The following ANKUB1 variants were observed in gnomAD, a reference collection of about 807,000 sequenced individuals.
ANKUB1 encodes the protein ankyrin repeat and ubiquitin domain containing 1.
In ANKUB1, 42 loss-of-function variants were observed where a neutral mutation model predicts 49.3. The observed-to-expected ratio is 0.85, with a 90% CI of 0.67 to 1.10. The LOEUF (loss-of-function observed/expected upper bound fraction) is 1.10. Among genes scored for constraint, ANKUB1 ranks in the 50% least tolerant of loss-of-function variants. The pLI is 0.00. For missense variants in ANKUB1, 613 were observed against 642.0 expected (o/e 0.95, Z 0.49); for synonymous variants, 222 against 231.0 (o/e 0.96, Z 0.35).
In ANKUB1 at chr3:149,761,284, T is replaced by C. The variant is rs1576663923; in HGVS notation, c.*200A>G. 1 of 518,960 alleles carries C rather than the reference T, an allele frequency of 1.9e-6. No homozygotes were observed. The highest frequency in any genetic ancestry group is 1.9e-5 in the African/African-American group (1 of 52,236). 32.1% of individuals were successfully genotyped at this position (518,960 alleles called of 1,614,324 possible). A position where few individuals can be genotyped will look rare whatever the true frequency, so the allele number is the denominator to read the frequency against. The stretch of plus-strand genomic sequence containing the variant: ...CTTCTGAATTCTTCCTCATATTCTT[T>C]ATGCAAAAATAGCACTAAAGTTTCA... On this transcript the variant is annotated 3_prime_UTR_variant, in exon 6 of 6. Transcript: ENST00000446160.
In ANKUB1 at chr3:149,780,299, T is replaced by C. The variant is rs1717799439; in HGVS notation, c.391A>G (p.Thr131Ala). 6.4e-7 allele frequency: 1 copy of C among 1,551,674 alleles called. No individual in the cohort carries two copies. Among genetic ancestry groups the C allele is most frequent in the Middle Eastern group, 1.7e-4 (1 of 5,990 alleles). ...GLPVSVYCLR[T>A]PRGLEMYDCN... ...TCATACATCTCCAGGCCCCTTGGGGTTCGGAGACAGTAGACACTCACGGGG... is the reference window on the plus strand; with the variant it reads ...TCATACATCTCCAGGCCCCTTGGGGCTCGGAGACAGTAGACACTCACGGGG... Residue 131 changes from threonine (T) to alanine (A), a missense_variant, in exon 3 of 6, where the codon ACC becomes GCC. Physicochemically the swap from Thr to Ala is moderately conservative, Grantham distance 58. Coordinates refer to ENST00000446160, the MANE Select transcript of ANKUB1 (RefSeq NM_001144960.3).
At chr3:149,773,802 A>G (rs994231420) in intron 3 of ANKUB1, among the ~76,000 whole-genome samples, 4 of 152,190 alleles carry the variant, frequency 2.6e-5, no homozygotes, top group African/African-American at 9.7e-5. Context: ...GAGGCTACAC[A>G]GTCTCCATTT....
In ANKUB1 at chr3:149,773,527, G is replaced by A. The variant is rs73005786; in HGVS notation, c.452-2853C>T. On this transcript the variant is annotated intron_variant, in intron 3 of 5. Coordinates refer to ENST00000446160, the MANE Select transcript of ANKUB1 (RefSeq NM_001144960.3). ...TGCAGCTATTCTGTAGAAATACCTT[G>A]ATAAACATTTTCCAAAATACGGACC... Among the ~76,000 whole-genome samples, 290 of 152,250 alleles carry A rather than the reference G, an allele frequency of 1.9e-3. 4 individuals are homozygous for A. The highest frequency in any genetic ancestry group is 6.3e-3 in the African/African-American group (263 of 41,536).
chr3:149,772,209 A>G (rs1241786744), intron 3 of ANKUB1, among the ~76,000 whole-genome samples: 2 of 151,952 alleles, frequency 1.3e-5, no homozygotes. Context: ...TTAGTAGAGA[A>G]GGGGTTTCAC....
chr3:149,780,328 C>G lies in ANKUB1; in HGVS notation c.362G>C (p.Gly121Ala). 1 of 1,551,850 alleles carries G rather than the reference C, an allele frequency of 6.4e-7. No individual in the cohort carries two copies. Among genetic ancestry groups the G allele is most frequent in the East Asian group, 2.4e-5 (1 of 40,922 alleles). Reference protein sequence around the residue: ...DLRTLVTLRCGLPVSVYCLRT... With the variant: ...DLRTLVTLRCALPVSVYCLRT... ...GAGACAGTAGACACTCACGGGGAGG[C>G]CACATCTCAGAGTTACCAGTGTTCT... The change falls in exon 3 of 6, where the codon GGC becomes GCC. Residue 121 changes from glycine to alanine, a missense_variant. By Grantham distance (60) the Gly-to-Ala change is moderately conservative. Coordinates refer to ENST00000446160, the MANE Select transcript of ANKUB1 (RefSeq NM_001144960.3).
At chr3:149,774,279 G>GTCAT (rs3973945) in intron 3 of ANKUB1, among the ~76,000 whole-genome samples, 54,333 of 151,208 alleles carry the variant, frequency 0.36, 11,152 homozygotes, top group African/African-American at 0.56. Context: ...TGCCTCTTTT[G>GTCAT]TCATTCATTC....
At chr3:149,777,513 C>T (rs1450700937) in intron 3 of ANKUB1, among the ~76,000 whole-genome samples, 1 of 150,464 alleles carries the variant, frequency 6.6e-6, no homozygotes, top group Non-Finnish European at 1.5e-5. Context: ...AAAAACACTC[C>T]TGTTCCAGAA....
intron 3 of ANKUB1, among the ~76,000 whole-genome samples, chr3:149,774,684 A>G (rs942751313): frequency 1.2e-4 from 18 of 152,212 alleles, no homozygotes; most frequent in Admixed American, 4.6e-4. Flanking sequence ...AGCAAATATT[A>G]CGGGTGTTAT....
intron 5 of ANKUB1, 121 bp from the exon 6 acceptor site, chr3:149,761,734 G>T: frequency 9.5e-7 from 1 of 1,057,908 alleles, no homozygotes; most frequent in Non-Finnish European, 1.3e-6. Flanking sequence ...TGTCACATAG[G>T]TAGATGTGAA....
chr3:149,772,059 C>G lies in ANKUB1; in HGVS notation c.452-1385G>C, dbSNP rs996573328. 2.9e-5 allele frequency among the ~76,000 whole-genome samples: 4 copies of G among 135,800 alleles called. No individual in the cohort carries two copies. The East Asian group carries it at 9.0e-4, about 31-fold the overall frequency. 89.1% of individuals were successfully genotyped at this position (135,800 alleles called of 152,430 possible). A position where few individuals can be genotyped will look rare whatever the true frequency, so the allele number is the denominator to read the frequency against. On this transcript the variant is annotated intron_variant, in intron 3 of 5. Coordinates refer to ENST00000446160, the MANE Select transcript of ANKUB1 (RefSeq NM_001144960.3). Reference sequence around the variant, plus strand: ...TTTTTTTTTTAGACGGAGTCTTTCTCTGTCACCCAGGCTGGGGTGCAGTGG... The same window carrying G: ...TTTTTTTTTTAGACGGAGTCTTTCTGTGTCACCCAGGCTGGGGTGCAGTGG...
intron 3 of ANKUB1, among the ~76,000 whole-genome samples, chr3:149,771,134 G>A (rs1020572353): frequency 4.6e-5 from 7 of 152,196 alleles, no homozygotes; most frequent in African/African-American, 1.7e-4. Context: ...TATGAAACAG[G>A]AGCTGTTCTC....
chr3:149,781,384 C>G (rs1477901122), intron 2 of ANKUB1, among the ~76,000 whole-genome samples: 1 of 152,162 alleles, frequency 6.6e-6, no homozygotes, highest in African/African-American at 2.4e-5. Context: ...CCACTTTTCT[C>G]ATGAAAAATG....
At chr3:149,768,183 T>G in intron 4 of ANKUB1, 88 bp from the exon 5 acceptor site, 3 of 924,874 alleles carry the variant, frequency 3.2e-6, no homozygotes, top group Non-Finnish European at 1.5e-6. Context: ...TGAAATATTC[T>G]AGTTGAATGT....
Position 149,779,862 on chromosome 3 carries a change from G to A in ANKUB1, c.451+377C>T, listed in dbSNP as rs1483461724. ...TCTTAGTCTGTAGACCCAGACCCAA[G>A]AATGAAATGTTGATAATTCATATCC... On this transcript the variant is annotated intron_variant, in intron 3 of 5. Transcript: ENST00000446160. 1.9e-5 allele frequency: 4 copies of A among 205,820 alleles called. No individual in the cohort carries two copies. The East Asian group carries it at 4.5e-4, about 23-fold the overall frequency. The allele number at this position is 205,820 out of a possible 1,614,324, so 12.7% of individuals were successfully genotyped here.
At chr3:149,791,799 G>T (rs924677753) in intron 1 of ANKUB1, among the ~76,000 whole-genome samples, 17 of 152,260 alleles carry the variant, frequency 1.1e-4, no homozygotes, top group African/African-American at 3.9e-4. Flanking sequence ...ACCTCTCAGA[G>T]CTTCAGTTTT....
chr3:149,781,438 T>G (rs769899449), intron 2 of ANKUB1, among the ~76,000 whole-genome samples: 3 of 152,158 alleles, frequency 2.0e-5, no homozygotes, highest in Non-Finnish European at 4.4e-5. Flanking sequence ...GACAATAATA[T>G]TTTTCTGCAA....
chr3:149,771,824 C>T (rs1717377129), intron 3 of ANKUB1, among the ~76,000 whole-genome samples: 1 of 152,112 alleles, frequency 6.6e-6, no homozygotes, highest in Admixed American at 6.5e-5. Context: ...CAATCTCCAG[C>T]CCAGCCTCTG....
intron 2 of ANKUB1, among the ~76,000 whole-genome samples, chr3:149,787,733 A>G (rs1057476627): frequency 5.3e-5 from 8 of 152,230 alleles, no homozygotes; most frequent in African/African-American, 1.9e-4. Context: ...GGGAAGCTGG[A>G]AAAAGCATTG....
rs186476148 is a variant in ANKUB1 at position 149,788,757 on chromosome 3, A to G, written c.234+2024T>C. Among the ~76,000 whole-genome samples the G allele has an allele frequency of 4.0e-5, 6 of 151,668 alleles. No individual in the cohort carries two copies. The East Asian group carries it at 1.2e-3, about 29-fold the overall frequency. On this transcript the variant is annotated intron_variant, in intron 2 of 5. Transcript: ENST00000446160. The stretch of plus-strand genomic sequence containing the variant: ...GGAAACTGGGGGCCAGAGAAGGGAG[A>G]GTTTTTTCTTTTTCTTTTCTTTTCT...
Sources: gnomAD v4.1 joint callset for allele counts (sites outside exome capture counted in the v4.1 genomes callset) on GRCh38, gnomAD v4.1.1 for gene constraint, MANE v1.5 for transcripts, NCBI Gene and HGNC (gene_info 2026-07-23, HGNC 2026-07-21) for gene names.